The following HSF2BP variants were observed in gnomAD, a reference collection of about 807,000 sequenced individuals.
HSF2BP encodes the protein heat shock transcription factor 2 binding protein.
In HSF2BP, 35 loss-of-function variants were observed where a neutral mutation model predicts 35.0. The ratio of observed to expected loss-of-function variants is 1.00; its 90% CI spans 0.76 to 1.32. HSF2BP has a LOEUF of 1.32. Among genes scored for constraint, HSF2BP ranks in the 40% most tolerant of loss-of-function variants. The pLI, the probability that HSF2BP is intolerant of heterozygous loss-of-function variation, is 0.00. For missense variants in HSF2BP, 326 were observed against 321.7 expected, an observed-to-expected ratio of 1.01 and a Z score of -0.10; for synonymous variants, 114 against 117.4, an observed-to-expected ratio of 0.97 and a Z score of 0.18.
At chr21:43,644,501 T>C (rs2147083093) in intron 3 of HSF2BP, 109 bp from the exon 4 acceptor site, 1 of 749,716 alleles carries the variant, frequency 1.3e-6, no homozygotes, top group Middle Eastern at 3.2e-4. Context: ...ATTTCTTAGG[T>C]GAGAATATTT....
intron 8 of HSF2BP, among the ~76,000 whole-genome samples, chr21:43,581,668 T>G (rs780682215): frequency 1.3e-5 from 2 of 152,122 alleles, no homozygotes; most frequent in Non-Finnish European, 2.9e-5. Flanking sequence ...AAAAAAACAC[T>G]GTTCTTCAGC....
intron 3 of HSF2BP, among the ~76,000 whole-genome samples, chr21:43,645,195 T>G (rs1255372606): frequency 6.6e-6 from 1 of 152,210 alleles, no homozygotes; most frequent in African/African-American, 2.4e-5. Context: ...TCTAACTTCT[T>G]TGATTAAAGT....
intron 7 of HSF2BP, among the ~76,000 whole-genome samples, chr21:43,607,195 C>G (rs1373306807): frequency 6.6e-6 from 1 of 151,534 alleles, no homozygotes; most frequent in African/African-American, 2.4e-5. Flanking sequence ...GATGCTCAGG[C>G]AGGAGAATCG....
intron 8 of HSF2BP, among the ~76,000 whole-genome samples, chr21:43,575,983 T>C (rs938186147): frequency 4.6e-5 from 7 of 152,114 alleles, no homozygotes; most frequent in Admixed American, 3.9e-4. Flanking sequence ...CTGGGTGTGG[T>C]GGCGTGCGCC....
chr21:43,593,985 C>T (rs1276808816), intron 7 of HSF2BP, among the ~76,000 whole-genome samples: 2 of 152,128 alleles, frequency 1.3e-5, no homozygotes, highest in East Asian at 1.9e-4. Context: ...CAAATCTACA[C>T]ACATCACAAT....
chr21:43,605,570 A>G (rs1655460876), intron 7 of HSF2BP, among the ~76,000 whole-genome samples: 1 of 139,024 alleles, frequency 7.2e-6, no homozygotes, highest in African/African-American at 2.7e-5. Flanking sequence ...ACACACCACA[A>G]ACATCCCCCA....
chr21:43,640,150 A>T (rs1275197814), intron 4 of HSF2BP, among the ~76,000 whole-genome samples: 1 of 152,082 alleles, frequency 6.6e-6, no homozygotes, highest in African/African-American at 2.4e-5. Context: ...AAAAATTAAA[A>T]ATTAGCTGGG....
chr21:43,590,725 A>C (rs1016399499), intron 8 of HSF2BP, among the ~76,000 whole-genome samples: 1 of 152,360 alleles, frequency 6.6e-6, no homozygotes, highest in East Asian at 1.9e-4. Flanking sequence ...CAAAATAATT[A>C]TGCTGAGTGA....
At chr21:43,639,329 G>A (rs993976331) in intron 4 of HSF2BP, among the ~76,000 whole-genome samples, 4 of 152,052 alleles carry the variant, frequency 2.6e-5, no homozygotes, top group South Asian at 4.1e-4. Context: ...TAAAACATTC[G>A]CTTTTTGAAA....
chr21:43,641,652 A>T (rs1329789326), intron 4 of HSF2BP, among the ~76,000 whole-genome samples: 3 of 152,086 alleles, frequency 2.0e-5, no homozygotes, highest in African/African-American at 4.8e-5. Context: ...ACTCATACAG[A>T]AGTACTTACT....
chr21:43,656,259 A>G (rs1398982563), intron 3 of HSF2BP, among the ~76,000 whole-genome samples: 2 of 152,236 alleles, frequency 1.3e-5, no homozygotes, highest in Non-Finnish European at 2.9e-5. Context: ...CCATTTGGCA[A>G]GATCCTTAAC....
intron 8 of HSF2BP, among the ~76,000 whole-genome samples, chr21:43,576,629 A>G (rs974520195): frequency 1.3e-5 from 2 of 152,240 alleles, no homozygotes; most frequent in Admixed American, 1.3e-4. Context: ...AACACTAAGC[A>G]TTTTAAAGGA....
At chr21:43,467,881 ACACACAC>A in the HSF2BP span, among the ~76,000 whole-genome samples, 2,151 of 115,476 alleles carry the variant, frequency 0.019, 35 homozygotes, top group Non-Finnish European at 0.026. Flanking sequence ...CAAACACACC[ACACACAC>A]CACACACCAC....
chr21:43,604,379 ACACACACAC>A (rs2082091780), intron 7 of HSF2BP, among the ~76,000 whole-genome samples: 1 of 133,764 alleles, frequency 7.5e-6, no homozygotes, highest in Non-Finnish European at 1.6e-5. Context: ...CACGCACACC[ACACACACAC>A]CACACACACT....
At chr21:43,591,532 C>T (rs1601631558) in intron 8 of HSF2BP, among the ~76,000 whole-genome samples, 1 of 152,128 alleles carries the variant, frequency 6.6e-6, no homozygotes, top group African/African-American at 2.4e-5. Flanking sequence ...CTAGAGTAAA[C>T]TTAACATACC....
intron 7 of HSF2BP, among the ~76,000 whole-genome samples, chr21:43,612,979 T>C (rs1251038647): frequency 6.6e-6 from 1 of 152,162 alleles, no homozygotes; most frequent in African/African-American, 2.4e-5. Flanking sequence ...GAGGATTCTG[T>C]AGATGTAATT....
At chr21:43,604,972 C>G (rs1306978188) in intron 7 of HSF2BP, among the ~76,000 whole-genome samples, 1 of 147,976 alleles carries the variant, frequency 6.8e-6, no homozygotes, top group East Asian at 2.0e-4. Context: ...ACACTACACA[C>G]CACACACACA....
At chr21:43,602,268 A>G (rs574174903) in intron 7 of HSF2BP, among the ~76,000 whole-genome samples, 66 of 152,344 alleles carry the variant, frequency 4.3e-4, no homozygotes, top group African/African-American at 1.5e-3. Flanking sequence ...ATTTTGTGGA[A>G]ACACTTCTAG....
chr21:43,582,199 G>T (rs1276162743), intron 8 of HSF2BP, among the ~76,000 whole-genome samples: 3 of 132,960 alleles, frequency 2.3e-5, no homozygotes, highest in African/African-American at 6.0e-5. Flanking sequence ...GGGAGATGAG[G>T]GCCTGCTGTG....
Sources: allele counts gnomAD v4.1 joint callset (sites outside exome capture counted in the v4.1 genomes callset), GRCh38; gene constraint gnomAD v4.1.1; transcripts MANE v1.5; gene names NCBI Gene and HGNC (gene_info 2026-07-23, HGNC 2026-07-21).